HMSD: variants seen among roughly 807,000 people sequenced by gnomAD.
HMSD encodes the protein serpin-like protein HMSD.
In HMSD, 13 loss-of-function variants were observed where a neutral mutation model predicts 10.0. The ratio of observed to expected loss-of-function variants is 1.31; its 90% confidence interval spans 0.85 to 2.08. HMSD has a LOEUF of 2.08. HMSD is among the 30% of genes most tolerant of loss of function. HMSD has a pLI of 0.00. For synonymous variants in HMSD, 51 were observed against 54.2 expected (o/e 0.94, Z 0.26); for missense variants, 169 against 166.3 (o/e 1.02, Z -0.09).
intron 3 of HMSD, chr18:63,967,925 C>T (rs1225783912): frequency 6.6e-6 from 1 of 152,180 alleles, no homozygotes; most frequent in Non-Finnish European, 1.5e-5. Context: ...TTAAATTGTC[C>T]ATACTCAGAA....
chr18:63,957,136 A>G (rs145515264), intron 3 of HMSD, among the ~76,000 whole-genome samples: 2,476 of 152,252 alleles, frequency 0.016, 187 homozygotes, highest in Admixed American at 0.13. Context: ...GGCTTATTAC[A>G]TGGTTGATGA....
At chr18:63,953,605 G>A (rs2050342414) in intron 2 of HMSD, 78 bp downstream of exon 2, 1 of 1,195,898 alleles carries the variant, frequency 8.4e-7, no homozygotes, top group South Asian at 1.3e-5. Context: ...TTCAAGTCTT[G>A]AAGAAATTCC....
At chr18:63,963,081 CTT>C (rs56351725), downstream of HMSD, among the ~76,000 whole-genome samples, 9,420 of 76,888 alleles carry the variant, frequency 0.12, 371 homozygotes, top group Admixed American at 0.15. Context: ...CTCTTTCTTT[CTT>C]TCTTTCTTTC....
intron 1 of HMSD, among the ~76,000 whole-genome samples, chr18:63,949,829 G>T (rs113875291): frequency 1.2e-4 from 18 of 152,310 alleles, no homozygotes; most frequent in African/African-American, 4.3e-4. Context: ...TGTCGGTACC[G>T]AAACTCGTAT....
chr18:63,961,876 C>G (rs975351208), downstream of HMSD: 2 of 152,320 alleles, frequency 1.3e-5, no homozygotes, highest in Non-Finnish European at 2.9e-5. Context: ...TTATCTCCTA[C>G]TATTTAATGG....
intron 3 of HMSD, among the ~76,000 whole-genome samples, chr18:63,958,964 G>A (rs1036924275): frequency 1.3e-5 from 2 of 152,054 alleles, no homozygotes; most frequent in Non-Finnish European, 2.9e-5. Context: ...ATTTACAGGA[G>A]TGACAGCTTC....
intron 3 of HMSD, among the ~76,000 whole-genome samples, chr18:63,956,972 G>C (rs1011248716): frequency 2.0e-5 from 3 of 152,100 alleles, no homozygotes; most frequent in Non-Finnish European, 4.4e-5. Context: ...TAATACGGGA[G>C]TAGGAAACCA....
chr18:63,954,291 T>A, intron 2 of HMSD, 117 bp from the exon 3 acceptor site: 1 of 733,382 alleles, frequency 1.4e-6, no homozygotes, highest in Non-Finnish European at 2.2e-6. Context: ...AGATTGATCA[T>A]CTTTTAAGCT....
Position 63,960,525 on chromosome 18 carries a change from G to C in HMSD, c.*170G>C. 2 of 1,030,378 alleles carry C rather than the reference G, an allele frequency of 1.9e-6. No individual in the cohort carries two copies. Among genetic ancestry groups the C allele is most frequent in the Non-Finnish European group, 2.6e-6 (2 of 766,466 alleles). The allele number at this position is 1,030,378 out of a possible 1,614,324, so 63.8% of individuals were successfully genotyped here. ...CAGGTTTTTTTGCTTGTTAATATTA[G>C]GTAGTTTTTCTTTTCACAAATAGCG... On this transcript the variant is annotated 3_prime_UTR_variant, in exon 4 of 4. Coordinates refer to ENST00000408945, the MANE Select transcript of HMSD (RefSeq NM_001123366.2).
intron 1 of HMSD, among the ~76,000 whole-genome samples, chr18:63,952,130 GGACT>G: frequency 7.8e-6 from 1 of 128,514 alleles, no homozygotes; most frequent in South Asian, 3.0e-4. Flanking sequence ...CACACTCTGG[GGACT>G]GTGGTGGGGT....
At chr18:63,964,055 TGC>T (rs1369525980), downstream of HMSD, among the ~76,000 whole-genome samples, 1 of 152,232 alleles carries the variant, frequency 6.6e-6, no homozygotes, top group Non-Finnish European at 1.5e-5. Flanking sequence ...AGCCCCAGCC[TGC>T]CCACACCCTC....
chr18:63,966,640 C>A (rs1006494088), downstream of HMSD: 1 of 152,194 alleles, frequency 6.6e-6, no homozygotes, highest in African/African-American at 2.4e-5. Flanking sequence ...TTATCACAAT[C>A]GAATTAATTT....
chr18:63,953,229 TTG>T (rs2050340254), intron 1 of HMSD, 123 bp from the exon 2 acceptor site: 3 of 458,908 alleles, frequency 6.5e-6, no homozygotes, highest in South Asian at 4.8e-5. Context: ...AGTGTAGTTT[TTG>T]TGTGTGTACC....
chr18:63,966,278 A>G (rs2050409253), downstream of HMSD: 1 of 152,240 alleles, frequency 6.6e-6, no homozygotes, highest in Non-Finnish European at 1.5e-5. Flanking sequence ...GTTAGTAAGC[A>G]GTACAAATTT....
downstream of HMSD, among the ~76,000 whole-genome samples, chr18:63,965,484 G>A (rs566724752): frequency 1.3e-5 from 2 of 152,300 alleles, no homozygotes; most frequent in South Asian, 2.1e-4. Flanking sequence ...AGAGACTGAC[G>A]ATTCACTAAT....
Position 63,954,465 on chromosome 18 carries a change from T to A in HMSD, c.130T>A (p.Ser44Thr). The change falls in exon 3 of 4, where the codon TCA becomes ACA. Residue 44 changes from serine (S) to threonine (T), a missense_variant. Physicochemically the swap from Ser to Thr is moderately conservative, Grantham distance 58. Transcript: ENST00000408945. ...EDGDIHRGFQSLLVAINRTDT... is the reference protein window; with the variant it reads ...EDGDIHRGFQTLLVAINRTDT... ...TGGAGATATTCATCGAGGTTTTCAGTCACTTCTTGTTGCAATTAACAGAAC... is the reference window on the plus strand; with the variant it reads ...TGGAGATATTCATCGAGGTTTTCAGACACTTCTTGTTGCAATTAACAGAAC... 1 of 1,613,716 alleles carries A rather than the reference T, an allele frequency of 6.2e-7. No homozygotes were observed. The highest frequency in any genetic ancestry group is 1.3e-5 in the African/African-American group (1 of 75,058).
chr18:63,951,577 T>C (rs536938266), intron 1 of HMSD, among the ~76,000 whole-genome samples: 114 of 152,248 alleles, frequency 7.5e-4, no homozygotes, highest in African/African-American at 2.6e-3. Flanking sequence ...TTGCCATAGA[T>C]TTTTAAAAAG....
At chr18:63,963,077 CTTTCTTTCTTTCTT>C (rs1395210392), downstream of HMSD, among the ~76,000 whole-genome samples, 47 of 31,722 alleles carry the variant, frequency 1.5e-3, no homozygotes, top group African/African-American at 4.9e-3. Flanking sequence ...CTTTCTCTTT[CTTTCTTTCTTTCTT>C]TCTTTCTTTC....
downstream of HMSD, among the ~76,000 whole-genome samples, chr18:63,963,620 T>C (rs1350879160): frequency 6.6e-6 from 1 of 152,232 alleles, no homozygotes; most frequent in Non-Finnish European, 1.5e-5. Context: ...TGAAGGATTC[T>C]GGAGAGGATC....
Sources: allele counts gnomAD v4.1 joint callset (sites outside exome capture counted in the v4.1 genomes callset), GRCh38; gene constraint gnomAD v4.1.1; transcripts MANE v1.5; gene names NCBI Gene and HGNC (gene_info 2026-07-23, HGNC 2026-07-21).